PCDHGB6: variants seen among roughly 807,000 people sequenced by gnomAD.
PCDHGB6 encodes the protein protocadherin gamma subfamily B, 6.
PCDHGB6 carries 51 observed loss-of-function variants against 59.1 expected under a neutral mutation model. That is an observed-to-expected ratio of 0.86 (90% confidence interval 0.69 to 1.09). The LOEUF (loss-of-function observed/expected upper bound fraction) is 1.09. Ranked by LOEUF, PCDHGB6 falls within the 50% of genes least tolerant of loss-of-function variation. The pLI, the probability that PCDHGB6 is intolerant of heterozygous loss-of-function variation, is 0.00. For synonymous variants in PCDHGB6, 466 were observed against 495.1 expected (o/e 0.94, Z 0.78); for missense variants, 1,148 against 1,205.1 (o/e 0.95, Z 0.70).
chr5:141,410,101 C>T lies in PCDHGB6; in HGVS notation c.1899C>T (p.Gly633=). The change falls in exon 1 of 4, where the codon GGC becomes GGT. Residue 633 remains glycine, a synonymous_variant. Transcript: ENST00000520790. ...TGEVRTARAL[G]DRDAARQRLL... ...AGGTGCGCACGGCTCGAGCCTTAGG[C>T]GACAGGGACGCAGCCCGCCAGCGCC... 1 of 1,612,490 alleles carries T rather than the reference C, an allele frequency of 6.2e-7. No homozygotes were observed. Among genetic ancestry groups the T allele is most frequent in the African/African-American group, 1.3e-5 (1 of 75,034 alleles).
rs186292704 is a variant in PCDHGB6 at position 141,490,783 on chromosome 5, C to T, written c.2419-4024C>T. ...TGTGTATGTCAACCCAGAGGATGGA[C>T]GGATCTTTGCCCAGCGTACCTTTGA... On this transcript the variant is annotated intron_variant, in intron 1 of 3. Transcript: ENST00000520790. The surrounding 1 kb of genome is among the most constrained non-coding windows in gnomAD (Gnocchi z 5.4). The T allele has an allele frequency of 8.1e-6, 13 of 1,614,024 alleles. 1 individual carries two copies. Among genetic ancestry groups the T allele is most frequent in the Middle Eastern group, 3.3e-4 (2 of 6,062 alleles).
chr5:141,510,984 C>G lies in PCDHGB6; in HGVS notation c.2604C>G (p.Ala868=). ...ADGSSTLGGG[A]GTMGLSARYG... ...GGAGCTCCACCCTGGGAGGGGGTGC[C>G]GGCACCATGGGATTGAGCGCCCGCT... The change falls in exon 4 of 4, where the codon GCC becomes GCG. Residue 868 remains alanine (A), a synonymous_variant. Transcript: ENST00000520790. The G allele has an allele frequency of 1.2e-6, 2 of 1,614,162 alleles. No homozygotes were observed. The highest frequency in any genetic ancestry group is 1.7e-6 in the Non-Finnish European group (2 of 1,180,012).
intron 1 of PCDHGB6, chr5:141,418,621 C>T: frequency 6.2e-7 from 1 of 1,614,034 alleles, no homozygotes; most frequent in Non-Finnish European, 8.5e-7. Flanking sequence ...TTCGGGAAGA[C>T]GTGCCTCCAG....
chr5:141,430,380 T>TG (rs1376875091), intron 1 of PCDHGB6, among the ~76,000 whole-genome samples: 2 of 147,890 alleles, frequency 1.4e-5, no homozygotes, highest in African/African-American at 5.0e-5. Context: ...AAAAGCTCAT[T>TG]GGGAAAAAAA....
chr5:141,502,864 G>T (rs1595824348), intron 2 of PCDHGB6, among the ~76,000 whole-genome samples: 4 of 61,548 alleles, frequency 6.5e-5, no homozygotes, highest in African/African-American at 2.4e-4. Flanking sequence ...CTGACTCTCT[G>T]TCTTTTTTTT....
intron 1 of PCDHGB6, among the ~76,000 whole-genome samples, chr5:141,463,024 A>G (rs2099051235): frequency 6.6e-6 from 1 of 152,070 alleles, no homozygotes; most frequent in South Asian, 2.1e-4. Context: ...GACTTTTTTG[A>G]TTAATCTGAG....
At position 141,409,178 on chromosome 5, in the gene PCDHGB6, G is replaced by A; in HGVS notation, c.976G>A (p.Gly326Ser). ...TMEVEAKDGG[G>S]LSTQCKVIIE... ...GGAAGTGGAAGCGAAGGACGGAGGT[G>A]GTCTCTCTACCCAGTGTAAAGTAAT... Residue 326 changes from glycine (G) to serine (S), a missense_variant, in exon 1 of 4, where the codon GGT becomes AGT. Gly to Ser is a moderately conservative substitution (Grantham distance 56). Around this residue, in one of 5 missense-constraint regions of PCDHGB6, gnomAD observed 549 missense variants for 527.5 expected, o/e 1.04. Coordinates refer to ENST00000520790, the MANE Select transcript of PCDHGB6 (RefSeq NM_018926.3). 1 of 1,613,994 alleles carries A rather than the reference G, an allele frequency of 6.2e-7. No individual in the cohort carries two copies. The highest frequency in any genetic ancestry group is 8.5e-7 in the Non-Finnish European group (1 of 1,179,894).
Position 141,490,958 on chromosome 5 carries a change from A to T in PCDHGB6, c.2419-3849A>T, listed in dbSNP as rs771797392. 4.6e-5 allele frequency: 74 copies of T among 1,613,610 alleles called. No individual in the cohort carries two copies. The highest frequency in any genetic ancestry group is 1.6e-4 in the Middle Eastern group (1 of 6,084). ...CTGCACCCACGGCCAGACTGGGAAC[A>T]CTCAGCCCCCCAGCGTCTCCCTCGC... On this transcript the variant is annotated intron_variant, in intron 1 of 3. Coordinates refer to ENST00000520790, the MANE Select transcript of PCDHGB6 (RefSeq NM_018926.3). This position sits in a 1 kb window ranked among gnomAD's most constrained non-coding sequence, Gnocchi z 5.4.
intron 1 of PCDHGB6, among the ~76,000 whole-genome samples, chr5:141,439,422 A>C (rs1476209707): frequency 6.6e-6 from 1 of 152,188 alleles, no homozygotes; most frequent in Non-Finnish European, 1.5e-5. Context: ...TGAGGTTATA[A>C]ATTCCCAGGA....
intron 1 of PCDHGB6, chr5:141,415,739 GGTTTTTTTTT>G: frequency 6.9e-6 from 3 of 434,948 alleles, no homozygotes; most frequent in Middle Eastern, 6.4e-4. Context: ...TGTTTATTAA[GGTTTTTTTTT>G]TTTTTTTTTT....
At chr5:141,469,362 G>GT (rs1212141268) in intron 1 of PCDHGB6, among the ~76,000 whole-genome samples, 4 of 152,084 alleles carry the variant, frequency 2.6e-5, no homozygotes, top group Non-Finnish European at 5.9e-5. Flanking sequence ...GGATCATGAG[G>GT]TAAAGAGATC....
At chr5:141,478,044 C>T in intron 1 of PCDHGB6, 2 of 1,614,184 alleles carry the variant, frequency 1.2e-6, no homozygotes, top group South Asian at 1.1e-5. Flanking sequence ...CCCAGGCAGA[C>T]TCTCACGGTC....
intron 1 of PCDHGB6, chr5:141,418,820 G>A: frequency 6.2e-7 from 1 of 1,613,918 alleles, no homozygotes. Flanking sequence ...AAACATAGAA[G>A]CAAAAGACCG....
rs2097438776 is a variant in PCDHGB6 at position 141,432,018 on chromosome 5, T to C, written c.2418+21398T>C. Reference sequence around the variant, plus strand: ...AGGGAACAGGTTCCTAGCTACAACATCACAGTGACCGCCACTGACCGGGGA... The same window carrying C: ...AGGGAACAGGTTCCTAGCTACAACACCACAGTGACCGCCACTGACCGGGGA... On this transcript the variant is annotated intron_variant, in intron 1 of 3. Transcript: ENST00000520790. This position sits in a 1 kb window ranked among gnomAD's most constrained non-coding sequence, Gnocchi z 6.0. 1.9e-6 allele frequency: 3 copies of C among 1,614,048 alleles called. No homozygotes were observed. In the South Asian group the frequency reaches 3.3e-5, roughly 18 times the overall value.
At chr5:141,481,812 C>T (rs2099545604) in intron 1 of PCDHGB6, among the ~76,000 whole-genome samples, 2 of 149,798 alleles carry the variant, frequency 1.3e-5, no homozygotes, top group South Asian at 2.1e-4. Context: ...ATTCACCAGG[C>T]GTGGTGGCTG....
In PCDHGB6 at chr5:141,490,761, G is replaced by GTA. The variant is rs1380770489; in HGVS notation, c.2419-4044_2419-4043dup. The GTA allele has an allele frequency of 6.2e-7, 1 of 1,614,048 alleles. No individual in the cohort carries two copies. The highest frequency in any genetic ancestry group is 1.3e-5 in the African/African-American group (1 of 74,920). On this transcript the variant is annotated intron_variant, in intron 1 of 3. Coordinates refer to ENST00000520790, the MANE Select transcript of PCDHGB6 (RefSeq NM_018926.3). The surrounding 1 kb of genome is among the most constrained non-coding windows in gnomAD (Gnocchi z 5.4). ...AGGGAGCCCCAGCCTCCTCCTTTGT[G>GTA]TATGTCAACCCAGAGGATGGACGGA...
chr5:141,461,732 A>G (rs945368729), intron 1 of PCDHGB6, among the ~76,000 whole-genome samples: 5 of 152,154 alleles, frequency 3.3e-5, no homozygotes, highest in Non-Finnish European at 5.9e-5. Context: ...GTGCAGTGGC[A>G]CAATCCCGGC....
Position 141,489,065 on chromosome 5 carries a change from C to T in PCDHGB6, c.2419-5742C>T, listed in dbSNP as rs558074504. On this transcript the variant is annotated intron_variant, in intron 1 of 3. Coordinates refer to ENST00000520790, the MANE Select transcript of PCDHGB6 (RefSeq NM_018926.3). This position sits in a 1 kb window ranked among gnomAD's most constrained non-coding sequence, Gnocchi z 4.5. ...CCACTCAAATTCAGCTCCCCTCCCC[C>T]CTGCCCACCCCCGCCACTCGGTGAC... 3.3e-5 allele frequency: 13 copies of T among 388,932 alleles called. 1 individual carries two copies. Among genetic ancestry groups the T allele is most frequent in the African/African-American group, 8.5e-5 (4 of 47,158 alleles). 24.1% of individuals were successfully genotyped at this position (388,932 alleles called of 1,614,324 possible).
At chr5:141,454,249 C>T (rs1215688507) in intron 1 of PCDHGB6, among the ~76,000 whole-genome samples, 3 of 152,192 alleles carry the variant, frequency 2.0e-5, no homozygotes, top group Non-Finnish European at 4.4e-5. Context: ...ATGAAGATGT[C>T]CCAGAGAAAG....
Sources: gnomAD v4.1 joint callset for allele counts (sites outside exome capture counted in the v4.1 genomes callset) on GRCh38, gnomAD v4.1.1 for gene constraint, gnomAD v4.1.1 regional missense constraint, Gnocchi (gnomAD v3.1) non-coding constraint, MANE v1.5 for transcripts, NCBI Gene and HGNC (gene_info 2026-07-23, HGNC 2026-07-21) for gene names.